Variants in DNAH14 observed in about 807,000 individuals in gnomAD.
DNAH14 encodes dynein axonemal heavy chain 14.
Under a neutral mutation model 520.9 loss-of-function variants are expected in DNAH14, and 478 were observed. That is an observed-to-expected ratio of 0.92 (90% confidence interval 0.85 to 0.99). The LOEUF is 0.99. Among genes scored for constraint, DNAH14 ranks in the 50% least tolerant of loss-of-function variants. The pLI is 0.00. For missense variants in DNAH14, 4,831 were observed against 5,234.5 expected, an observed-to-expected ratio of 0.92 and a Z score of 2.38; for synonymous variants, 1,581 against 1,757.2, an observed-to-expected ratio of 0.90 and a Z score of 2.51.
intron 17 of DNAH14, among the ~76,000 whole-genome samples, chr1:225,067,561 G>A (rs929798054): frequency 2.6e-5 from 4 of 152,084 alleles, no homozygotes; most frequent in African/African-American, 9.7e-5. Context: ...TACAATGGCT[G>A]AACTAATTTA....
intron 36 of DNAH14, among the ~76,000 whole-genome samples, chr1:225,173,455 G>A (rs1478568619): frequency 6.6e-6 from 1 of 152,178 alleles, no homozygotes; most frequent in Non-Finnish European, 1.5e-5. Flanking sequence ...TGAAGGATAT[G>A]AACAGACACT....
At chr1:225,030,993 C>T (rs909494699) in intron 11 of DNAH14, among the ~76,000 whole-genome samples, 1 of 151,940 alleles carries the variant, frequency 6.6e-6, no homozygotes, top group African/African-American at 2.4e-5. Context: ...AATATTCAGT[C>T]TTTTAAAGCC....
chr1:225,399,185 A>G lies in DNAH14; in HGVS notation c.13770A>G (p.Thr4590=). ...CCGGTTTACCAACAAACTTTTTAAC[A>G]TCAGTGTATTTATCAACGAAGAAAC... ...ATTGLPTNFL[T]SVYLSTKKPP... Residue 4590 remains threonine (T), a synonymous_variant, in exon 86 of 86, where the codon ACA becomes ACG. Coordinates refer to ENST00000682510, the MANE Select transcript of DNAH14 (RefSeq NM_001367479.1). 1 of 1,551,776 alleles carries G rather than the reference A, an allele frequency of 6.4e-7. No homozygotes were observed. Among genetic ancestry groups the G allele is most frequent in the African/African-American group, 1.4e-5 (1 of 73,182 alleles).
Position 225,398,532 on chromosome 1 carries a change from T to TC in DNAH14, c.13505dup (p.His4503SerfsTer19). The TC allele has an allele frequency of 6.4e-7, 1 of 1,551,744 alleles. No homozygotes were observed. The highest frequency in any genetic ancestry group is 8.7e-7 in the Non-Finnish European group (1 of 1,146,982). On this transcript the variant is annotated frameshift_variant, in exon 85 of 86. Coordinates refer to ENST00000682510, the MANE Select transcript of DNAH14 (RefSeq NM_001367479.1). LOFTEE classifies it high-confidence loss of function. ...TCTTCCATCTTAGGGCTCAGCTTCC[T>TC]CTCACACTGGAGTTTACATTTTTGG...
At chr1:224,975,270 T>A (rs1259319269) in intron 8 of DNAH14, among the ~76,000 whole-genome samples, 1 of 152,230 alleles carries the variant, frequency 6.6e-6, no homozygotes. Flanking sequence ...TCACTCTTTT[T>A]CTATTGATTG....
At chr1:225,139,512 T>C (rs945380769) in intron 27 of DNAH14, among the ~76,000 whole-genome samples, 2 of 152,222 alleles carry the variant, frequency 1.3e-5, no homozygotes, top group African/African-American at 4.8e-5. Flanking sequence ...GACTAGGAGT[T>C]GTCTCTGAAT....
chr1:225,166,134 C>T (rs578221992), intron 35 of DNAH14, among the ~76,000 whole-genome samples: 12 of 152,142 alleles, frequency 7.9e-5, no homozygotes, highest in South Asian at 2.1e-4. Context: ...ACAAACTTTC[C>T]GCTCTTCTCC....
At position 225,392,367 on chromosome 1, in the gene DNAH14, T is replaced by C. The variant is rs560668546; in HGVS notation, c.13407T>C (p.His4469=). ...TGGATGCCCTCACCTTCACCCACCATGTGATTTCCAACACCACTGACAAGG... is the reference window on the plus strand; with the variant it reads ...TGGATGCCCTCACCTTCACCCACCACGTGATTTCCAACACCACTGACAAGG... ...IAVDALTFTH[H]VISNTTDKDE... is the part of the protein sequence containing the mutation. The change falls in exon 84 of 86, where the codon CAT becomes CAC. Residue 4469 remains histidine (H), a synonymous_variant. Coordinates refer to ENST00000682510, the MANE Select transcript of DNAH14 (RefSeq NM_001367479.1). The C allele has an allele frequency of 6.4e-7, 1 of 1,552,328 alleles. No homozygotes were observed. Among genetic ancestry groups the C allele is most frequent in the African/African-American group, 1.4e-5 (1 of 73,186 alleles).
intron 8 of DNAH14, among the ~76,000 whole-genome samples, chr1:224,975,870 A>G (rs1190980903): frequency 2.0e-5 from 3 of 152,090 alleles, no homozygotes; most frequent in Admixed American, 2.0e-4. Flanking sequence ...ATTTAGTGCT[A>G]TAAATTTCCC....
At chr1:225,031,535 A>G (rs2066524928) in intron 11 of DNAH14, among the ~76,000 whole-genome samples, 2 of 152,016 alleles carry the variant, frequency 1.3e-5, no homozygotes, top group South Asian at 4.1e-4. Flanking sequence ...TAGAGTAACC[A>G]CTAAAAGATA....
chr1:225,331,352 C>A lies in DNAH14; in HGVS notation c.9724-85C>A. 4.5e-6 allele frequency: 6 copies of A among 1,337,848 alleles called. No individual in the cohort carries two copies. In the South Asian group the frequency reaches 7.4e-5, roughly 16 times the overall value. The allele number at this position is 1,337,848 out of a possible 1,614,324, so 82.9% of individuals were successfully genotyped here. On this transcript the variant is annotated intron_variant, in intron 64 of 85. Transcript: ENST00000682510. ...AGGATGTGAAAATGAAATGGTAACACTATATTTATATAAATGACAGCTAAA... is the reference window on the plus strand; with the variant it reads ...AGGATGTGAAAATGAAATGGTAACAATATATTTATATAAATGACAGCTAAA...
intron 69 of DNAH14, among the ~76,000 whole-genome samples, chr1:225,343,541 A>T (rs934183827): frequency 6.6e-6 from 1 of 152,080 alleles, no homozygotes; most frequent in Non-Finnish European, 1.5e-5. Flanking sequence ...AAAGTCTGTA[A>T]CTCAATTTTT....
chr1:225,307,632 G>A, intron 59 of DNAH14, 63 bp downstream of exon 59: 1 of 1,272,556 alleles, frequency 7.9e-7, no homozygotes, highest in Non-Finnish European at 1.1e-6. Flanking sequence ...GTGTTTGAAA[G>A]CAAAGGCTCT....
At chr1:225,277,796 G>A (rs75687925) in intron 54 of DNAH14, among the ~76,000 whole-genome samples, 7,484 of 152,084 alleles carry the variant, frequency 0.049, 563 homozygotes, top group African/African-American at 0.16. Context: ...AAAATAGTGC[G>A]CTTACTTGAT....
chr1:225,151,229 T>C (rs1476616951), intron 31 of DNAH14, among the ~76,000 whole-genome samples: 3 of 152,230 alleles, frequency 2.0e-5, no homozygotes, highest in Non-Finnish European at 4.4e-5. Context: ...CTAATATTTC[T>C]AATGCAAGCT....
At position 225,283,541 on chromosome 1, in the gene DNAH14, A is replaced by G. The variant is rs80201279; in HGVS notation, c.8271+6039A>G. 1.1e-4 allele frequency among the ~76,000 whole-genome samples: 17 copies of G among 152,280 alleles called. No individual in the cohort carries two copies. In the East Asian group the frequency reaches 3.1e-3, roughly 28 times the overall value. ...TTAGTGCCAAATACATGGAACCAAA[A>G]CCGACAGAATTTAAGGGAGAAATAA... On this transcript the variant is annotated intron_variant, in intron 54 of 85. Coordinates refer to ENST00000682510, the MANE Select transcript of DNAH14 (RefSeq NM_001367479.1).
intron 75 of DNAH14, among the ~76,000 whole-genome samples, chr1:225,364,520 T>C (rs80114999): frequency 0.022 from 3,379 of 152,242 alleles, 40 homozygotes; most frequent in Non-Finnish European, 0.034. Context: ...GAACTCTTCA[T>C]TTTGTTCTTA....
intron 41 of DNAH14, among the ~76,000 whole-genome samples, chr1:225,227,831 A>G (rs533384068): frequency 6.6e-6 from 1 of 152,242 alleles, no homozygotes; most frequent in Admixed American, 6.5e-5. Context: ...GTTATTCATA[A>G]TCACACAGAT....
At chr1:225,034,428 T>C (rs77575007) in intron 11 of DNAH14, among the ~76,000 whole-genome samples, 8,351 of 151,998 alleles carry the variant, frequency 0.055, 472 homozygotes, top group East Asian at 0.23. Context: ...CATAGTGGAT[T>C]ATTTTTTGAT....
Sources: allele counts gnomAD v4.1 joint callset (sites outside exome capture counted in the v4.1 genomes callset), GRCh38; gene constraint gnomAD v4.1.1; transcripts MANE v1.5; gene names NCBI Gene and HGNC (gene_info 2026-07-23, HGNC 2026-07-21).